CCDC88C: variants seen among roughly 807,000 people sequenced by gnomAD.
CCDC88C encodes the protein coiled-coil and HOOK domain protein 88C.
CCDC88C carries 131 observed loss-of-function variants against 198.8 expected under a neutral mutation model. The observed-to-expected ratio is 0.66, with a 90% CI of 0.57 to 0.76. The LOEUF (loss-of-function observed/expected upper bound fraction) is 0.76. CCDC88C is among the 30% of genes least tolerant of loss of function. The probability of loss-of-function intolerance (pLI) is 0.00; values close to 1 mark genes in which losing one functional copy is unlikely to be tolerated. For missense variants in CCDC88C, 2,553 were observed against 2,631.6 expected, an observed-to-expected ratio of 0.97 and a Z score of 0.65; for synonymous variants, 1,166 against 1,114.7, an observed-to-expected ratio of 1.05 and a Z score of -0.92.
At position 91,325,060 on chromosome 14, in the gene CCDC88C, C is replaced by T; in HGVS notation, c.1198-137G>A. ...GCTCACTTCCAAATAAACAGAGCTG[C>T]ACAGAAACATCCCAACACAGGGCCC... On this transcript the variant is annotated intron_variant, in intron 11 of 29. Transcript: ENST00000389857. The surrounding 1 kb of genome is among the most constrained non-coding windows in gnomAD (Gnocchi z 4.1). 1 of 1,132,916 alleles carries T rather than the reference C, an allele frequency of 8.8e-7. No homozygotes were observed. The highest frequency in any genetic ancestry group is 1.5e-5 in the African/African-American group (1 of 64,762). The allele number at this position is 1,132,916 out of a possible 1,614,324, so 70.2% of individuals were successfully genotyped here.
intron 3 of CCDC88C, among the ~76,000 whole-genome samples, chr14:91,403,518 G>A (rs1354542835): frequency 1.3e-5 from 2 of 152,220 alleles, no homozygotes; most frequent in Non-Finnish European, 2.9e-5. Context: ...GCGGACTTCT[G>A]CTGGAACAGC....
intron 27 of CCDC88C, 159 bp downstream of exon 27, chr14:91,281,298 C>A: frequency 6.6e-7 from 1 of 1,519,540 alleles, no homozygotes; most frequent in Non-Finnish European, 8.9e-7. Context: ...AGAAGCTACA[C>A]GCTCAGCCCC....
chr14:91,331,071 C>T (rs746853655), intron 10 of CCDC88C, among the ~76,000 whole-genome samples: 51 of 143,430 alleles, frequency 3.6e-4, no homozygotes, highest in Non-Finnish European at 5.0e-4. Flanking sequence ...ATGTCAGGAG[C>T]GCCCCTTTAC....
chr14:91,375,469 C>CA (rs1408933642), intron 3 of CCDC88C, among the ~76,000 whole-genome samples: 1 of 151,928 alleles, frequency 6.6e-6, no homozygotes, highest in Non-Finnish European at 1.5e-5. Flanking sequence ...AGCTTTTCTT[C>CA]AGATGTGGGT....
intron 3 of CCDC88C, among the ~76,000 whole-genome samples, chr14:91,382,337 G>A (rs1008604469): frequency 5.3e-5 from 8 of 152,164 alleles, no homozygotes; most frequent in East Asian, 1.9e-4. Flanking sequence ...TGGACCAGGT[G>A]GTTTCCAGAG....
chr14:91,386,566 T>C (rs1885159625), intron 3 of CCDC88C, among the ~76,000 whole-genome samples: 1 of 152,200 alleles, frequency 6.6e-6, no homozygotes, highest in South Asian at 2.1e-4. Flanking sequence ...ACGGTGGCCA[T>C]AGTTCATTCG....
At chr14:91,327,621 C>T (rs1172598960) in intron 10 of CCDC88C, among the ~76,000 whole-genome samples, 2 of 152,228 alleles carry the variant, frequency 1.3e-5, no homozygotes, top group African/African-American at 4.8e-5. Context: ...CCTCACTGCC[C>T]TCGGCTCCCT....
chr14:91,278,014 C>T lies in CCDC88C; in HGVS notation c.4966G>A (p.Val1656Ile), dbSNP rs768083419. The stretch of plus-strand genomic sequence containing the variant: ...GAGGCCGAGCAGGGCCGCACTCCGA[C>T]GTAGGGAGGGGCTGTGCCCCTCTTC... ...AQKRGTAPPY[V>I]GVRPCSASPS... Residue 1656 changes from valine (V) to isoleucine (I), a missense_variant, in exon 29 of 30, where the codon GTC (valine) becomes ATC (isoleucine). Coordinates refer to ENST00000389857, the MANE Select transcript of CCDC88C (RefSeq NM_001080414.4). 25 of 1,594,286 alleles carry T rather than the reference C, an allele frequency of 1.6e-5. No homozygotes were observed. The highest frequency in any genetic ancestry group is 5.3e-5 in the Admixed American group (3 of 57,068).
chr14:91,382,615 A>T (rs897134099), intron 3 of CCDC88C, among the ~76,000 whole-genome samples: 1 of 152,134 alleles, frequency 6.6e-6, no homozygotes, highest in Non-Finnish European at 1.5e-5. Flanking sequence ...GGAGAAATAC[A>T]CAACCACCAA....
rs1894776903 is a variant in CCDC88C, at chr14:91,371,135, C to A, written c.271-11424G>T. On this transcript the variant is annotated intron_variant, in intron 3 of 29. Transcript: ENST00000389857. The surrounding 1 kb of genome is among the most constrained non-coding windows in gnomAD (Gnocchi z 4.2). ...TTCCTCTGTCCCTAAGTCCACCCCTCCTGGCTAAAACGACAGCATCGGTGC... is the reference window on the plus strand; with the variant it reads ...TTCCTCTGTCCCTAAGTCCACCCCTACTGGCTAAAACGACAGCATCGGTGC... 6.6e-6 allele frequency among the ~76,000 whole-genome samples: 1 copy of A among 152,194 alleles called. No individual in the cohort carries two copies. Among genetic ancestry groups the A allele is most frequent in the Non-Finnish European group, 1.5e-5 (1 of 68,036 alleles).
At chr14:91,413,985 T>C (rs1886921468) in intron 2 of CCDC88C, among the ~76,000 whole-genome samples, 1 of 152,210 alleles carries the variant, frequency 6.6e-6, no homozygotes, top group African/African-American at 2.4e-5. Context: ...TAGTGACATG[T>C]TGCCATTTGG....
intron 18 of CCDC88C, 142 bp downstream of exon 18, chr14:91,306,896 C>A: frequency 1.1e-6 from 1 of 871,896 alleles, no homozygotes; most frequent in Non-Finnish European, 1.7e-6. Flanking sequence ...CCCACAGGAC[C>A]TGCAACTCAA....
chr14:91,303,872 C>T lies in CCDC88C; in HGVS notation c.3464G>A (p.Arg1155Lys), dbSNP rs763025338. Residue 1155 changes from arginine to lysine, a missense_variant, in exon 20 of 30, where the codon AGG becomes AAG. By Grantham distance (26) the Arg-to-Lys change is conservative (BLOSUM62 2). Around this residue, in one of 2 missense-constraint regions of CCDC88C, gnomAD observed 1,293 missense variants for 1,219.6 expected, o/e 1.06. Transcript: ENST00000389857. ...GGCCGCTGTAAGTTGCTCCTGCTGC[C>T]TCTGCAGGCTTTCGTTCTCCGTCTC... is the stretch of plus-strand genomic sequence containing the variant. ...AKETENESLQ[R>K]QQEQLTAAYE... The T allele has an allele frequency of 6.2e-7, 1 of 1,613,236 alleles. No individual in the cohort carries two copies.
rs1274245065 is a variant in CCDC88C, at chr14:91,284,752, T to C, written c.4442-1235A>G. Reference sequence around the variant, plus strand: ...TTGTTTTTATGATGATATGTGTGTTTTCCACTTACAGGACTGATACTAATC... The same window carrying C: ...TTGTTTTTATGATGATATGTGTGTTCTCCACTTACAGGACTGATACTAATC... On this transcript the variant is annotated intron_variant, in intron 25 of 29. Coordinates refer to ENST00000389857, the MANE Select transcript of CCDC88C (RefSeq NM_001080414.4). This position sits in a 1 kb window ranked among gnomAD's most constrained non-coding sequence, Gnocchi z 4.1. Among the ~76,000 whole-genome samples, 1 of 152,234 alleles carries C rather than the reference T, an allele frequency of 6.6e-6. No homozygotes were observed. Among genetic ancestry groups the C allele is most frequent in the Non-Finnish European group, 1.5e-5 (1 of 68,046 alleles).
chr14:91,299,875 C>A, intron 21 of CCDC88C, 52 bp downstream of exon 21: 2 of 1,514,654 alleles, frequency 1.3e-6, no homozygotes, highest in Non-Finnish European at 8.8e-7. Context: ...CAAGGAGAGT[C>A]TGAACAGAAT....
rs1022847602 is a variant in CCDC88C at position 91,339,391 on chromosome 14, G to C, written c.696C>G (p.Ser232=). 2 of 1,613,478 alleles carry C rather than the reference G, an allele frequency of 1.2e-6. No homozygotes were observed. The highest frequency in any genetic ancestry group is 2.7e-5 in the African/African-American group (2 of 74,914). ...AQHPPSPIKS[S]SADSTPSPTS... The stretch of plus-strand genomic sequence containing the variant: ...TGGGGCTGGGAGTGGAGTCGGCGCT[G>C]GAGGACTTGATGGGGCTGGGTGGAT... Residue 232 remains serine (S), a synonymous_variant, in exon 8 of 30, where the codon TCC becomes TCG. Coordinates refer to ENST00000389857, the MANE Select transcript of CCDC88C (RefSeq NM_001080414.4). This position sits in a 1 kb window ranked among gnomAD's most constrained non-coding sequence, Gnocchi z 5.8.
intron 3 of CCDC88C, among the ~76,000 whole-genome samples, chr14:91,385,068 A>G (rs950520739): frequency 7.9e-5 from 12 of 152,158 alleles, no homozygotes; most frequent in African/African-American, 2.9e-4. Context: ...CGGCACTACC[A>G]ATCCTTTTCT....
At position 91,288,597 on chromosome 14, in the gene CCDC88C, C is replaced by G. The variant is rs921749714; in HGVS notation, c.4441+508G>C. The G allele has an allele frequency of 1.3e-5, 2 of 153,570 alleles. No homozygotes were observed. The highest frequency in any genetic ancestry group is 2.9e-5 in the Non-Finnish European group (2 of 68,932). The allele number at this position is 153,570 out of a possible 1,614,324, so 9.5% of individuals were successfully genotyped here. ...CTGCCCGGCTACATGATGAATGATA[C>G]CTTTTGTTCTAAAACAACAAAAGTG... On this transcript the variant is annotated intron_variant, in intron 25 of 29. Transcript: ENST00000389857. The surrounding 1 kb of genome is among the most constrained non-coding windows in gnomAD (Gnocchi z 4.2).
In CCDC88C at chr14:91,339,190, A is replaced by G; in HGVS notation, c.809+88T>C. The G allele has an allele frequency of 6.7e-7, 1 of 1,491,600 alleles. No homozygotes were observed. Among genetic ancestry groups the G allele is most frequent in the Non-Finnish European group, 9.2e-7 (1 of 1,087,734 alleles). 92.4% of individuals were successfully genotyped at this position (1,491,600 alleles called of 1,614,324 possible). A position where few individuals can be genotyped will look rare whatever the true frequency, so the allele number is the denominator to read the frequency against. On this transcript the variant is annotated intron_variant, in intron 8 of 29. Coordinates refer to ENST00000389857, the MANE Select transcript of CCDC88C (RefSeq NM_001080414.4). This position sits in a 1 kb window ranked among gnomAD's most constrained non-coding sequence, Gnocchi z 5.8. The stretch of plus-strand genomic sequence containing the variant: ...CCGGGGCACACGTCAGAGCTGTGCC[A>G]TTGGCAGCACCACACATGTGAGTCG...
Sources: allele counts gnomAD v4.1 joint callset (sites outside exome capture counted in the v4.1 genomes callset), GRCh38; gene constraint gnomAD v4.1.1; regional missense constraint gnomAD v4.1.1; non-coding constraint Gnocchi (gnomAD v3.1); transcripts MANE v1.5; gene names NCBI Gene and HGNC (gene_info 2026-07-23, HGNC 2026-07-21).